The following PRKCH variants were observed in gnomAD, a reference collection of about 807,000 sequenced individuals.
PRKCH encodes the protein protein kinase C eta.
In PRKCH, 28 loss-of-function variants were observed where a neutral mutation model predicts 82.5. That is an observed-to-expected ratio of 0.34 (90% confidence interval 0.25 to 0.47). The LOEUF (loss-of-function observed/expected upper bound fraction) is 0.47. PRKCH is among the 20% of genes least tolerant of loss of function. The pLI is 1.00. For synonymous variants in PRKCH, 322 were observed against 327.4 expected (o/e 0.98, Z 0.18); for missense variants, 705 against 881.8 (o/e 0.80, Z 2.54).
chr14:61,540,009 A>G (rs2043161985), intron 12 of PRKCH, among the ~76,000 whole-genome samples: 1 of 152,216 alleles, frequency 6.6e-6, no homozygotes, highest in South Asian at 2.1e-4. Context: ...CCCTGAAATT[A>G]TTTCTCATCT....
intron 1 of PRKCH, among the ~76,000 whole-genome samples, chr14:61,236,949 C>G (rs2044795148): frequency 6.6e-6 from 1 of 152,132 alleles, no homozygotes; most frequent in South Asian, 2.1e-4. Flanking sequence ...CAACCAGCAA[C>G]TCTTGGGGCT....
intron 10 of PRKCH, among the ~76,000 whole-genome samples, chr14:61,497,492 G>A (rs1886721892): frequency 6.6e-6 from 1 of 152,170 alleles, no homozygotes; most frequent in Non-Finnish European, 1.5e-5. Context: ...GGGTATTGGT[G>A]CCATTTTTCT....
intron 1 of PRKCH, among the ~76,000 whole-genome samples, chr14:61,350,711 G>C (rs1172961374): frequency 6.6e-6 from 1 of 152,140 alleles, no homozygotes; most frequent in Non-Finnish European, 1.5e-5. Flanking sequence ...AGCATCCCTG[G>C]GGGCAGGATC....
intron 1 of PRKCH, among the ~76,000 whole-genome samples, chr14:61,385,413 A>G (rs576917999): frequency 6.6e-6 from 1 of 152,326 alleles, no homozygotes; most frequent in East Asian, 1.9e-4. Context: ...TTTGAGCCTA[A>G]CCACTGCACG....
At chr14:61,502,594 T>C (rs1479939648) in intron 10 of PRKCH, among the ~76,000 whole-genome samples, 2 of 152,162 alleles carry the variant, frequency 1.3e-5, no homozygotes, top group East Asian at 3.8e-4. Context: ...CACATACTTC[T>C]ACCGTGGTTA....
chr14:61,477,829 T>C (rs562302595), intron 9 of PRKCH, among the ~76,000 whole-genome samples: 1 of 152,346 alleles, frequency 6.6e-6, no homozygotes, highest in South Asian at 2.1e-4. Context: ...CTAGGACTCC[T>C]TCCACCTCCT....
intron 1 of PRKCH, among the ~76,000 whole-genome samples, chr14:61,198,921 GC>G (rs1354688344): frequency 6.6e-6 from 1 of 152,156 alleles, no homozygotes; most frequent in African/African-American, 2.4e-5. Flanking sequence ...TATTGACTGA[GC>G]CTGTGTCACT....
At chr14:61,267,070 A>G (rs2045109636) in intron 1 of PRKCH, among the ~76,000 whole-genome samples, 1 of 152,188 alleles carries the variant, frequency 6.6e-6, no homozygotes. Flanking sequence ...TGGCGGAGAA[A>G]AGGACCTGGA....
chr14:61,322,934 A>G (rs2045648897), intron 1 of PRKCH: 1 of 158,786 alleles, frequency 6.3e-6, no homozygotes, highest in African/African-American at 2.4e-5. Flanking sequence ...TCAGCCGCTC[A>G]GACGTGCACA....
At chr14:61,500,709 C>G (rs1357220794) in intron 10 of PRKCH, among the ~76,000 whole-genome samples, 6 of 152,092 alleles carry the variant, frequency 3.9e-5, no homozygotes, top group Non-Finnish European at 8.8e-5. Flanking sequence ...AACTGAGGAT[C>G]TCTGTGCACA....
chr14:61,243,831 C>T (rs2140068099), intron 1 of PRKCH, among the ~76,000 whole-genome samples: 1 of 152,050 alleles, frequency 6.6e-6, no homozygotes, highest in South Asian at 2.1e-4. Context: ...CTTCCTCTGG[C>T]CAGGCACAGT....
intron 1 of PRKCH, among the ~76,000 whole-genome samples, chr14:61,295,989 G>A (rs2045403047): frequency 6.6e-6 from 1 of 152,014 alleles, no homozygotes. Flanking sequence ...TGAAGCGGTC[G>A]GCTAGGGATT....
At chr14:61,419,743 A>C (rs1882736544) in intron 2 of PRKCH, among the ~76,000 whole-genome samples, 1 of 152,258 alleles carries the variant, frequency 6.6e-6, no homozygotes, top group African/African-American at 2.4e-5. Context: ...AACTTGTTAT[A>C]AACAAAGCAA....
intron 1 of PRKCH, among the ~76,000 whole-genome samples, chr14:61,273,347 A>AT (rs575062330): frequency 6.6e-6 from 1 of 152,130 alleles, no homozygotes; most frequent in Non-Finnish European, 1.5e-5. Flanking sequence ...TACTCCATTT[A>AT]TTTTTTTCTT....
intron 1 of PRKCH, among the ~76,000 whole-genome samples, chr14:61,261,509 G>A (rs1302167565): frequency 1.3e-5 from 2 of 152,136 alleles, no homozygotes; most frequent in Admixed American, 1.3e-4. Context: ...CCCAGCTGGA[G>A]AACATATGAT....
At chr14:61,239,834 G>C (rs1184862796) in intron 1 of PRKCH, among the ~76,000 whole-genome samples, 3 of 152,168 alleles carry the variant, frequency 2.0e-5, no homozygotes, top group African/African-American at 7.2e-5. Flanking sequence ...TGAGGCTAAT[G>C]ACTGAAGTTC....
intron 9 of PRKCH, among the ~76,000 whole-genome samples, chr14:61,460,091 C>T (rs1389456162): frequency 6.6e-6 from 1 of 152,200 alleles, no homozygotes; most frequent in African/African-American, 2.4e-5. Context: ...AAGCAATCCA[C>T]CCACCTCAGT....
At chr14:61,215,256 C>G (rs1301767676) in intron 1 of PRKCH, among the ~76,000 whole-genome samples, 1 of 152,094 alleles carries the variant, frequency 6.6e-6, no homozygotes, top group Non-Finnish European at 1.5e-5. Context: ...AAGGAGAGTA[C>G]TCTTCATCAT....
intron 1 of PRKCH, among the ~76,000 whole-genome samples, chr14:61,374,547 C>T (rs1412485780): frequency 6.6e-6 from 1 of 152,070 alleles, no homozygotes; most frequent in Admixed American, 6.5e-5. Flanking sequence ...GGTGGAGGCT[C>T]CTAAACCTCA....
Sources: allele counts gnomAD v4.1 joint callset (sites outside exome capture counted in the v4.1 genomes callset), GRCh38; gene constraint gnomAD v4.1.1; transcripts MANE v1.5; gene names NCBI Gene and HGNC (gene_info 2026-07-23, HGNC 2026-07-21).